Variants in MAP2K6 observed in about 807,000 individuals in gnomAD.
MAP2K6 encodes the protein dual specificity mitogen-activated protein kinase kinase 6.
MAP2K6 carries 16 observed loss-of-function variants against 53.7 expected under a neutral mutation model. The observed-to-expected ratio is 0.30, with a 90% CI of 0.20 to 0.45. The LOEUF (loss-of-function observed/expected upper bound fraction) is 0.45. Among genes scored for constraint, MAP2K6 ranks in the 20% least tolerant of loss-of-function variants. MAP2K6 has a pLI of 1.00. For synonymous variants in MAP2K6, 132 were observed against 143.1 expected (o/e 0.92, Z 0.55); for missense variants, 204 against 411.9 (o/e 0.50, Z 4.37).
chr17:69,539,134 C>T (rs752244943), intron 11 of MAP2K6, among the ~76,000 whole-genome samples: 6 of 152,184 alleles, frequency 3.9e-5, no homozygotes, highest in Non-Finnish European at 7.3e-5. Flanking sequence ...CTAGATTGAA[C>T]TGTATGTTAA....
chr17:69,522,213 C>A (rs1236215518), intron 7 of MAP2K6, among the ~76,000 whole-genome samples: 3 of 152,038 alleles, frequency 2.0e-5, no homozygotes, highest in African/African-American at 4.8e-5. Context: ...AAAATGCCTT[C>A]CACAGTGTGC....
chr17:69,472,259 T>C (rs548823597), intron 1 of MAP2K6, among the ~76,000 whole-genome samples: 1 of 152,136 alleles, frequency 6.6e-6, no homozygotes, highest in Non-Finnish European at 1.5e-5. Context: ...GCCGCACATG[T>C]ACCCCCGAAT....
intron 1 of MAP2K6, among the ~76,000 whole-genome samples, chr17:69,500,987 G>A (rs888985138): frequency 2.6e-5 from 4 of 152,112 alleles, no homozygotes; most frequent in African/African-American, 9.7e-5. Context: ...CTTTGCATAT[G>A]ATGATTGCAA....
intron 1 of MAP2K6, among the ~76,000 whole-genome samples, chr17:69,464,507 G>A (rs1653039144): frequency 6.6e-6 from 1 of 152,074 alleles, no homozygotes; most frequent in South Asian, 2.1e-4. Context: ...TCAGCCTCTT[G>A]AGTAGCTGGG....
intron 10 of MAP2K6, among the ~76,000 whole-genome samples, chr17:69,535,879 TACACAC>T (rs3216906): frequency 0.018 from 2,676 of 147,644 alleles, 71 homozygotes; most frequent in African/African-American, 0.058. Flanking sequence ...AAAAGGAAAG[TACACAC>T]ACACACACAC....
In MAP2K6 at chr17:69,505,788, C is replaced by A. The variant is rs1274652122; in HGVS notation, c.25C>A (p.Arg9=). The A allele has an allele frequency of 6.2e-7, 1 of 1,613,542 alleles. No individual in the cohort carries two copies. Among genetic ancestry groups the A allele is most frequent in the Admixed American group, 1.7e-5 (1 of 60,002 alleles). ...TTTGTCTTTCCCCATAGGCAAGAAG[C>A]GAAACCCTGGCCTTAAAATTCCAAA... is the stretch of plus-strand genomic sequence containing the variant. The part of the protein sequence containing the change: MSQSKGKK[R]NPGLKIPKEA... The change falls in exon 2 of 12, where the codon CGA becomes AGA. Residue 9 remains arginine, a synonymous_variant. Coordinates refer to ENST00000590474, the MANE Select transcript of MAP2K6 (RefSeq NM_002758.4).
rs1910602797 is a variant in MAP2K6 at position 69,523,567 on chromosome 17, G to A, written c.589G>A (p.Asp197Asn). The A allele has an allele frequency of 6.2e-7, 1 of 1,613,944 alleles. No individual in the cohort carries two copies. Among genetic ancestry groups the A allele is most frequent in the African/African-American group, 1.3e-5 (1 of 74,908 alleles). ...TGCTCTCGGTCAAGTGAAGATGTGCGATTTTGGAATCAGTGGCTACTTGGT... is the reference window on the plus strand; with the variant it reads ...TGCTCTCGGTCAAGTGAAGATGTGCAATTTTGGAATCAGTGGCTACTTGGT... Reference protein sequence around the residue: ...INALGQVKMCDFGISGYLVDS... With the variant: ...INALGQVKMCNFGISGYLVDS... The change falls in exon 8 of 12, where the codon GAT (aspartate) becomes AAT (asparagine). Residue 197 changes from aspartate to asparagine, a missense_variant. By Grantham distance (23) the Asp-to-Asn change is conservative. Coordinates refer to ENST00000590474, the MANE Select transcript of MAP2K6 (RefSeq NM_002758.4).
In MAP2K6 at chr17:69,446,976, C is replaced by CTTTTTTT. The variant is rs71357721; in HGVS notation, c.16+31988_16+31994dup. ...TTGTATTTTATTATAACCTCTGTTT[C>CTTTTTTT]TTTTTTTTTTTTTTTTTTGAGACGG... is the stretch of plus-strand genomic sequence containing the variant. On this transcript the variant is annotated intron_variant, in intron 1 of 11. Transcript: ENST00000590474. Among the ~76,000 whole-genome samples, 8 of 129,522 alleles carry CTTTTTTT rather than the reference C, an allele frequency of 6.2e-5. 1 individual carries two copies. The highest frequency in any genetic ancestry group is 7.9e-5 in the Admixed American group (1 of 12,698). 85.0% of individuals were successfully genotyped at this position (129,522 alleles called of 152,430 possible).
chr17:69,499,725 A>C (rs1191965009), intron 1 of MAP2K6, among the ~76,000 whole-genome samples: 1 of 152,230 alleles, frequency 6.6e-6, no homozygotes, highest in Non-Finnish European at 1.5e-5. Flanking sequence ...GTAGATAAAC[A>C]AGTAATAAAT....
intron 2 of MAP2K6, among the ~76,000 whole-genome samples, chr17:69,516,304 G>C (rs1482375331): frequency 2.0e-5 from 3 of 151,874 alleles, no homozygotes; most frequent in African/African-American, 7.3e-5. Flanking sequence ...TATATCCCTT[G>C]TATACACAGT....
At chr17:69,463,255 C>G (rs1907679779) in intron 1 of MAP2K6, among the ~76,000 whole-genome samples, 1 of 150,670 alleles carries the variant, frequency 6.6e-6, no homozygotes, top group Non-Finnish European at 1.5e-5. Context: ...ATTTTGCTTT[C>G]ACGTACATAT....
At chr17:69,461,468 G>A (rs1907620518) in intron 1 of MAP2K6, among the ~76,000 whole-genome samples, 1 of 152,166 alleles carries the variant, frequency 6.6e-6, no homozygotes, top group South Asian at 2.1e-4. Context: ...GGAGTTGTTG[G>A]GTTGGTGAAC....
At chr17:69,464,796 A>C (rs977570162) in intron 1 of MAP2K6, among the ~76,000 whole-genome samples, 1 of 151,384 alleles carries the variant, frequency 6.6e-6, no homozygotes, top group African/African-American at 2.4e-5. Flanking sequence ...GCTCACTGCA[A>C]CCTCTGTCTC....
chr17:69,466,548 A>G (rs1318889804), intron 1 of MAP2K6, among the ~76,000 whole-genome samples: 1 of 152,198 alleles, frequency 6.6e-6, no homozygotes, highest in Admixed American at 6.5e-5. Flanking sequence ...TTCTCAAGCC[A>G]TCGGCACTGC....
chr17:69,519,878 C>T (rs142233934), intron 5 of MAP2K6: 122 of 220,014 alleles, frequency 5.5e-4, no homozygotes, highest in African/African-American at 2.7e-3. Context: ...CTCATTAAAA[C>T]CAGCTTTTTG....
At chr17:69,512,032 T>G (rs541805186) in intron 2 of MAP2K6, among the ~76,000 whole-genome samples, 1 of 152,178 alleles carries the variant, frequency 6.6e-6, no homozygotes, top group South Asian at 2.1e-4. Flanking sequence ...GTCATGAGGA[T>G]TAGATGTCAT....
At chr17:69,444,654 G>T (rs957581935) in intron 1 of MAP2K6, among the ~76,000 whole-genome samples, 1 of 152,158 alleles carries the variant, frequency 6.6e-6, no homozygotes, top group African/African-American at 2.4e-5. Flanking sequence ...CATCACTGGG[G>T]ACTGATTCTG....
At position 69,547,717 on chromosome 17, in the gene MAP2K6, A is replaced by G. The variant is rs1311988697; in HGVS notation, c.*5964A>G. Reference sequence around the variant, plus strand: ...AATTGTTCTGGAAGCTGATAGAACAATTTTCTTCAGATCAAACTGAAGTAC... The same window carrying G: ...AATTGTTCTGGAAGCTGATAGAACAGTTTTCTTCAGATCAAACTGAAGTAC... On this transcript the variant is annotated 3_prime_UTR_variant, in exon 12 of 12. Coordinates refer to ENST00000590474, the MANE Select transcript of MAP2K6 (RefSeq NM_002758.4). The G allele has an allele frequency of 2.6e-5, 4 of 152,338 alleles. No homozygotes were observed. Among genetic ancestry groups the G allele is most frequent in the Admixed American group, 1.3e-4 (2 of 15,308 alleles). The allele number at this position is 152,338 out of a possible 1,614,324, so 9.4% of individuals were successfully genotyped here. A position where few individuals can be genotyped will look rare whatever the true frequency, so the allele number is the denominator to read the frequency against.
At chr17:69,479,702 G>A (rs1231135403) in intron 1 of MAP2K6, among the ~76,000 whole-genome samples, 2 of 150,374 alleles carry the variant, frequency 1.3e-5, no homozygotes, top group Non-Finnish European at 3.0e-5. Context: ...CCCAGGAAAT[G>A]TACTTTTCCT....
Sources: gnomAD v4.1 joint callset for allele counts (sites outside exome capture counted in the v4.1 genomes callset) on GRCh38, gnomAD v4.1.1 for gene constraint, MANE v1.5 for transcripts, NCBI Gene and HGNC (gene_info 2026-07-23, HGNC 2026-07-21) for gene names.